BCO1: variants seen among roughly 807,000 people sequenced by gnomAD.
BCO1 encodes beta,beta-carotene 15,15'-dioxygenase.
In BCO1, 54 loss-of-function variants were observed where a neutral mutation model predicts 56.3. The ratio of observed to expected loss-of-function variants is 0.96; its 90% CI spans 0.77 to 1.20. BCO1 has a LOEUF of 1.20. Among genes scored for constraint, BCO1 ranks in the 50% most tolerant of loss-of-function variants. The pLI is 0.00. For missense variants in BCO1, 801 were observed against 690.9 expected (o/e 1.16, Z -1.79); for synonymous variants, 318 against 266.1 (o/e 1.20, Z -1.90).
chr16:81,269,438 G>A (rs1907048784), intron 6 of BCO1, among the ~76,000 whole-genome samples: 1 of 151,864 alleles, frequency 6.6e-6, no homozygotes, highest in Admixed American at 6.6e-5. Flanking sequence ...TGGGATTATA[G>A]GCACACGCCA....
chr16:81,247,817 C>G (rs891513665), intron 2 of BCO1, among the ~76,000 whole-genome samples: 1 of 152,156 alleles, frequency 6.6e-6, no homozygotes, highest in South Asian at 2.1e-4. Context: ...TGAGCCACCA[C>G]GCCCGGCCCA....
chr16:81,262,267 T>C lies in BCO1; in HGVS notation c.455T>C (p.Leu152Pro). ...ATCAGGAAAATCAACCCACAGACTC[T>C]GGAAACCCTGGAGAAGGTATCAACA... ...NYIRKINPQT[L>P]ETLEKVDYRK... The change falls in exon 4 of 11, where the codon CTG (leucine) becomes CCG (proline). Residue 152 changes from leucine (L) to proline (P), a missense_variant. Leu to Pro is a moderately conservative substitution (Grantham distance 98). Transcript: ENST00000258168. 6.8e-6 allele frequency: 11 copies of C among 1,613,474 alleles called. No homozygotes were observed. Among genetic ancestry groups the C allele is most frequent in the Non-Finnish European group, 9.3e-6 (11 of 1,179,612 alleles).
In BCO1 at chr16:81,262,270, A is replaced by C. The variant is rs751408559; in HGVS notation, c.458A>C (p.Glu153Ala). The C allele has an allele frequency of 6.2e-6, 10 of 1,613,556 alleles. No individual in the cohort carries two copies. Among genetic ancestry groups the C allele is most frequent in the African/African-American group, 1.3e-5 (1 of 74,878 alleles). ...YIRKINPQTL[E>A]TLEKVDYRKY... ...AGGAAAATCAACCCACAGACTCTGG[A>C]AACCCTGGAGAAGGTATCAACACAT... The change falls in exon 4 of 11, where the codon GAA (glutamate) becomes GCA (alanine). Residue 153 changes from glutamate (E) to alanine (A), a missense_variant. By Grantham distance (107) the Glu-to-Ala change is moderately radical. Coordinates refer to ENST00000258168, the MANE Select transcript of BCO1 (RefSeq NM_017429.3).
At chr16:81,257,810 GC>G (rs974852827) in intron 2 of BCO1, among the ~76,000 whole-genome samples, 37 of 151,440 alleles carry the variant, frequency 2.4e-4, no homozygotes, top group African/African-American at 9.0e-4. Flanking sequence ...AACCAGAGAG[GC>G]TGAGCTTGCA....
intron 2 of BCO1, among the ~76,000 whole-genome samples, chr16:81,258,161 G>C (rs1308086628): frequency 6.6e-6 from 1 of 152,184 alleles, no homozygotes; most frequent in Non-Finnish European, 1.5e-5. Flanking sequence ...CTTGATTTTA[G>C]CTCTGTAATC....
chr16:81,256,653 C>G (rs1023708825), intron 2 of BCO1, among the ~76,000 whole-genome samples: 3 of 152,018 alleles, frequency 2.0e-5, no homozygotes, highest in Non-Finnish European at 2.9e-5. Context: ...TTTGGGAGGC[C>G]GAGGCAGGCA....
chr16:81,261,785 A>G (rs1906496501), intron 3 of BCO1: 2 of 294,324 alleles, frequency 6.8e-6, no homozygotes, highest in African/African-American at 4.4e-5. Context: ...TCTTTCGCCC[A>G]GGCTGGAGTG....
chr16:81,259,019 C>G lies in BCO1; in HGVS notation c.194-657C>G, dbSNP rs149691040. 1.5e-3 allele frequency among the ~76,000 whole-genome samples: 231 copies of G among 152,208 alleles called. 1 individual carries two copies. In the South Asian group the frequency reaches 0.019, roughly 13 times the overall value. On this transcript the variant is annotated intron_variant, in intron 2 of 10. Transcript: ENST00000258168. ...AATAGAGTGAGAACTCACTCATCAC[C>G]AGAACAACACTAAGCCATTCATGAG...
chr16:81,259,567 A>G (rs1312618699), intron 2 of BCO1, 109 bp from the exon 3 acceptor site: 39 of 1,322,560 alleles, frequency 2.9e-5, no homozygotes, highest in Non-Finnish European at 4.0e-5. Flanking sequence ...AGCTTGTCCT[A>G]GTGAAATAAC....
intron 9 of BCO1, 96 bp from the exon 10 acceptor site, chr16:81,287,199 C>T: frequency 1.1e-6 from 1 of 933,952 alleles, no homozygotes; most frequent in Non-Finnish European, 1.8e-6. Flanking sequence ...CGATGGGCTT[C>T]ATCTCCTCTG....
At chr16:81,269,793 G>A (rs1165966992) in intron 6 of BCO1, among the ~76,000 whole-genome samples, 1 of 152,168 alleles carries the variant, frequency 6.6e-6, no homozygotes, top group Non-Finnish European at 1.5e-5. Context: ...ATGGAGCCTG[G>A]CACCTGGCAG....
At position 81,289,693 on chromosome 16, in the gene BCO1, A is replaced by C. The variant is rs555652777; in HGVS notation, c.1415-655A>C. On this transcript the variant is annotated intron_variant, in intron 10 of 10. Transcript: ENST00000258168. The stretch of plus-strand genomic sequence containing the variant: ...CCGAATACCACTCTTCGATGCCTGC[A>C]ATAATTTACAGAGTGCTTTCAAAAT... 3.3e-5 allele frequency among the ~76,000 whole-genome samples: 5 copies of C among 152,284 alleles called. No homozygotes were observed. The South Asian group carries it at 1.0e-3, about 32-fold the overall frequency.
At chr16:81,247,310 A>G (rs1030903761) in intron 2 of BCO1, among the ~76,000 whole-genome samples, 1 of 152,084 alleles carries the variant, frequency 6.6e-6, no homozygotes, top group Non-Finnish European at 1.5e-5. Context: ...TGTTGGGATC[A>G]TTGGAAGTAT....
At chr16:81,284,855 G>A (rs1334718373) in intron 8 of BCO1, among the ~76,000 whole-genome samples, 2 of 130,838 alleles carry the variant, frequency 1.5e-5, no homozygotes, top group Non-Finnish European at 3.2e-5. Flanking sequence ...TTTTTTTTTC[G>A]AGACAGAGTC....
chr16:81,275,457 G>T (rs181790296), intron 7 of BCO1, among the ~76,000 whole-genome samples: 1 of 152,370 alleles, frequency 6.6e-6, no homozygotes, highest in African/African-American at 2.4e-5. Context: ...CCCCGCAGCT[G>T]AGTCCGTATC....
chr16:81,239,064 T>C, intron 1 of BCO1, 92 bp downstream of exon 1: 1 of 1,101,232 alleles, frequency 9.1e-7, no homozygotes, highest in Non-Finnish European at 1.3e-6. Context: ...TCGCCCGGGC[T>C]GGAGTCCAGT....
chr16:81,257,848 C>G (rs1906240041), intron 2 of BCO1, among the ~76,000 whole-genome samples: 1 of 149,990 alleles, frequency 6.7e-6, no homozygotes, highest in Non-Finnish European at 1.5e-5. Context: ...CCATTGCACT[C>G]CAGCCTGGGT....
chr16:81,255,489 T>A (rs1380477626), intron 2 of BCO1, among the ~76,000 whole-genome samples: 1 of 151,618 alleles, frequency 6.6e-6, no homozygotes, highest in East Asian at 1.9e-4. Context: ...AATGACATTA[T>A]GTTATTTTTT....
intron 9 of BCO1, 123 bp from the exon 10 acceptor site, chr16:81,287,172 C>A: frequency 9.0e-6 from 7 of 781,534 alleles, no homozygotes; most frequent in Admixed American, 1.9e-5. Flanking sequence ...TGGGAGACTA[C>A]GTCAAAAGTC....
Sources: allele counts gnomAD v4.1 joint callset (sites outside exome capture counted in the v4.1 genomes callset), GRCh38; gene constraint gnomAD v4.1.1; transcripts MANE v1.5; gene names NCBI Gene and HGNC (gene_info 2026-07-23, HGNC 2026-07-21).